LRRC36: variants seen among roughly 807,000 people sequenced by gnomAD.
LRRC36 encodes leucine-rich repeat-containing protein 36.
LRRC36 carries 62 observed loss-of-function variants against 81.1 expected under a neutral mutation model. The ratio of observed to expected loss-of-function variants is 0.76; its 90% CI spans 0.62 to 0.94. The LOEUF is 0.94. LRRC36 is among the 40% of genes least tolerant of loss of function. LRRC36 has a pLI of 0.00. For synonymous variants in LRRC36, 334 were observed against 348.6 expected (o/e 0.96, Z 0.47); for missense variants, 761 against 881.7 (o/e 0.86, Z 1.73).
intron 13 of LRRC36, among the ~76,000 whole-genome samples, chr16:67,382,827 A>C (rs8056770): frequency 0.26 from 39,190 of 151,992 alleles, 9,378 homozygotes; most frequent in African/African-American, 0.64. Flanking sequence ...ACTAAAAATA[A>C]AAAAATTAGC....
At chr16:67,359,970 A>C (rs1315547675) in intron 5 of LRRC36, among the ~76,000 whole-genome samples, 1 of 152,100 alleles carries the variant, frequency 6.6e-6, no homozygotes, top group Non-Finnish European at 1.5e-5. Context: ...TAAAAATACA[A>C]AAAAATTTGC....
chr16:67,349,356 A>G (rs1230851715), intron 4 of LRRC36, among the ~76,000 whole-genome samples: 2 of 152,020 alleles, frequency 1.3e-5, no homozygotes, highest in Non-Finnish European at 2.9e-5. Flanking sequence ...CACCTATAAA[A>G]TGGAGATAAT....
Position 67,385,113 on chromosome 16 carries a change from A to T in LRRC36, c.*24A>T. On this transcript the variant is annotated 3_prime_UTR_variant, in exon 14 of 14. Coordinates refer to ENST00000329956, the MANE Select transcript of LRRC36 (RefSeq NM_018296.6). ...AGAGCTAGCATGGAACTCACACCAC[A>T]GCTTCCCTGGTCCACAGAGGCTCTC... is the stretch of plus-strand genomic sequence containing the variant. 6.3e-7 allele frequency: 1 copy of T among 1,582,598 alleles called. No individual in the cohort carries two copies. Among genetic ancestry groups the T allele is most frequent in the South Asian group, 1.1e-5 (1 of 90,264 alleles).
At chr16:67,351,423 C>T (rs191596709) in intron 5 of LRRC36, among the ~76,000 whole-genome samples, 51 of 152,004 alleles carry the variant, frequency 3.4e-4, no homozygotes, top group African/African-American at 1.1e-3. Flanking sequence ...AAATGAGACA[C>T]GGGCCGGGCA....
intron 7 of LRRC36, among the ~76,000 whole-genome samples, chr16:67,365,713 T>G (rs927017326): frequency 6.6e-6 from 1 of 152,206 alleles, no homozygotes; most frequent in Admixed American, 6.5e-5. Context: ...AATGATAATA[T>G]GTATCCTTAA....
At chr16:67,366,331 C>T (rs1053429831) in intron 7 of LRRC36, among the ~76,000 whole-genome samples, 3 of 151,898 alleles carry the variant, frequency 2.0e-5, no homozygotes, top group Admixed American at 6.6e-5. Flanking sequence ...AAATTTTTTT[C>T]GGACCAGGCA....
intron 1 of LRRC36, among the ~76,000 whole-genome samples, chr16:67,331,428 A>T (rs1372528152): frequency 6.6e-6 from 1 of 152,020 alleles, no homozygotes; most frequent in Non-Finnish European, 1.5e-5. Context: ...AGGAGGCTGA[A>T]GTGGAAGGAT....
chr16:67,376,303 G>A (rs758143457), intron 10 of LRRC36, among the ~76,000 whole-genome samples: 5 of 152,084 alleles, frequency 3.3e-5, no homozygotes, highest in African/African-American at 7.2e-5. Flanking sequence ...GCAAGACTCC[G>A]TCTCGGAAAA....
Position 67,337,947 on chromosome 16 carries a change from G to T in LRRC36, c.71-4010G>T, listed in dbSNP as rs1054405534. ...CTAAAAATACAAATTAGCTGGGTGT[G>T]GTGGCGTATGCCTGTAATCCCAGCT... On this transcript the variant is annotated intron_variant, in intron 1 of 13. Coordinates refer to ENST00000329956, the MANE Select transcript of LRRC36 (RefSeq NM_018296.6). Among the ~76,000 whole-genome samples, 3 of 152,134 alleles carry T rather than the reference G, an allele frequency of 2.0e-5. No homozygotes were observed. The East Asian group carries it at 5.8e-4, about 30-fold the overall frequency.
intron 2 of LRRC36, among the ~76,000 whole-genome samples, chr16:67,344,153 A>T (rs924638330): frequency 5.9e-5 from 9 of 152,148 alleles, no homozygotes; most frequent in Admixed American, 3.9e-4. Flanking sequence ...AACAGTTCTG[A>T]ATCCCTTTGT....
rs147536981 is a variant in LRRC36, at chr16:67,351,428, C to T, written c.577+1138C>T. On this transcript the variant is annotated intron_variant, in intron 5 of 13. Coordinates refer to ENST00000329956, the MANE Select transcript of LRRC36 (RefSeq NM_018296.6). Reference sequence around the variant, plus strand: ...TTTTGTGATAAAATGAGACACGGGCCGGGCATGGTGGCTCACACCTGTAAT... The same window carrying T: ...TTTTGTGATAAAATGAGACACGGGCTGGGCATGGTGGCTCACACCTGTAAT... Among the ~76,000 whole-genome samples, 465 of 152,012 alleles carry T rather than the reference C, an allele frequency of 3.1e-3. 2 individuals are homozygous for T. The highest frequency in any genetic ancestry group is 0.011 in the African/African-American group (443 of 41,464).
In LRRC36 at chr16:67,342,093, T is replaced by C. The variant is rs2038114489; in HGVS notation, c.198+9T>C. On this transcript the variant is annotated intron_variant, in intron 2 of 13. Coordinates refer to ENST00000329956, the MANE Select transcript of LRRC36 (RefSeq NM_018296.6). ...TGATCACTAGCCTTAAGGTAAGTTA[T>C]ATATTCTATGACCAGCCAGGTCTGC... 6.3e-7 allele frequency: 1 copy of C among 1,580,408 alleles called. No individual in the cohort carries two copies. Among genetic ancestry groups the C allele is most frequent in the Admixed American group, 1.7e-5 (1 of 58,126 alleles).
intron 1 of LRRC36, among the ~76,000 whole-genome samples, 188 bp from the exon 2 acceptor site, chr16:67,341,769 T>C (rs2038093582): frequency 6.6e-6 from 1 of 152,172 alleles, no homozygotes; most frequent in African/African-American, 2.4e-5. Flanking sequence ...AAGGGCTCTA[T>C]AAAACTAAGG....
chr16:67,384,673 C>G (rs1269824385), intron 13 of LRRC36, among the ~76,000 whole-genome samples, 197 bp from the exon 14 acceptor site: 5 of 152,166 alleles, frequency 3.3e-5, no homozygotes. Flanking sequence ...TTCAGTAAGT[C>G]TGGAATATAA....
chr16:67,328,932 TAG>T (rs10544422), intron 1 of LRRC36, among the ~76,000 whole-genome samples: 12,671 of 152,122 alleles, frequency 0.083, 1,745 homozygotes, highest in African/African-American at 0.29. Flanking sequence ...ATTTTTCAGA[TAG>T]AGTTTTGCTC....
Position 67,375,336 on chromosome 16 carries a change from C to T in LRRC36, c.1584C>T (p.Val528=), listed in dbSNP as rs1238513833. 3 of 1,612,258 alleles carry T rather than the reference C, an allele frequency of 1.9e-6. No homozygotes were observed. The highest frequency in any genetic ancestry group is 3.3e-5 in the Admixed American group (2 of 59,842). Residue 528 remains valine (V), a synonymous_variant, in exon 10 of 14, where the codon GTC becomes GTT. Transcript: ENST00000329956. ...CCAGAACCCCCCATGTGGCCACTGT[C>T]CTCAGACAGCTCCTGGAGCTTGTGG... ...ISARTPHVAT[V]LRQLLELVDK...
chr16:67,365,497 G>T, intron 7 of LRRC36, 142 bp downstream of exon 7: 1 of 646,062 alleles, frequency 1.5e-6, no homozygotes, highest in Non-Finnish European at 2.7e-6. Flanking sequence ...GACTGTCCTG[G>T]ATGATTAGTA....
At chr16:67,351,424 G>A (rs1451917923) in intron 5 of LRRC36, among the ~76,000 whole-genome samples, 4 of 151,602 alleles carry the variant, frequency 2.6e-5, no homozygotes, top group African/African-American at 9.7e-5. Flanking sequence ...AATGAGACAC[G>A]GGCCGGGCAT....
chr16:67,363,260 C>T (rs190242942), intron 5 of LRRC36, among the ~76,000 whole-genome samples: 6 of 152,274 alleles, frequency 3.9e-5, no homozygotes. Flanking sequence ...ATTATTTATT[C>T]GCTTAGGAAA....
Sources: allele counts gnomAD v4.1 joint callset (sites outside exome capture counted in the v4.1 genomes callset), GRCh38; gene constraint gnomAD v4.1.1; transcripts MANE v1.5; gene names NCBI Gene and HGNC (gene_info 2026-07-23, HGNC 2026-07-21).